NCDN: variants seen among roughly 807,000 people sequenced by gnomAD.
NCDN encodes the protein neurochondrin.
In NCDN, 9 loss-of-function variants were observed where a neutral mutation model predicts 60.7. The observed-to-expected ratio is 0.15, with a 90% CI of 0.09 to 0.26. The LOEUF is 0.26. Among genes scored for constraint, NCDN ranks in the 10% least tolerant of loss-of-function variants. The probability of loss-of-function intolerance (pLI) is 1.00; values close to 1 mark genes in which losing one functional copy is unlikely to be tolerated. For synonymous variants in NCDN, 409 were observed against 442.5 expected (o/e 0.92, Z 0.95); for missense variants, 578 against 975.2 (o/e 0.59, Z 5.42).
At position 35,565,132 on chromosome 1, in the gene NCDN, G is replaced by A. The variant is rs541549306; in HGVS notation, c.1754-95G>A. On this transcript the variant is annotated intron_variant, in intron 6 of 6. Transcript: ENST00000373243. The surrounding 1 kb of genome is among the most constrained non-coding windows in gnomAD (Gnocchi z 8.9). Reference sequence around the variant, plus strand: ...GCAGTCTGATTCCAGGCTGTGCCCTGGCTCCTGCATGTGTCTACACAGAGG... The same window carrying A: ...GCAGTCTGATTCCAGGCTGTGCCCTAGCTCCTGCATGTGTCTACACAGAGG... 54 of 1,259,334 alleles carry A rather than the reference G, an allele frequency of 4.3e-5. No individual in the cohort carries two copies. The highest frequency in any genetic ancestry group is 5.8e-5 in the Non-Finnish European group (53 of 906,668). 78.0% of individuals were successfully genotyped at this position (1,259,334 alleles called of 1,614,324 possible).
rs1383998572 is a variant in NCDN, at chr1:35,558,141, C to T, written c.-50C>T. ...TGACGTGATCTCTCCGTGACATCAC[C>T]GCGCCATCGTGAAGTGTGATCTCAT... On this transcript the variant is annotated 5_prime_UTR_variant, in exon 1 of 7. Transcript: ENST00000373243. This position sits in a 1 kb window ranked among gnomAD's most constrained non-coding sequence, Gnocchi z 6.3. 1 of 1,611,822 alleles carries T rather than the reference C, an allele frequency of 6.2e-7. No homozygotes were observed. The highest frequency in any genetic ancestry group is 1.3e-5 in the African/African-American group (1 of 74,940).
chr1:35,559,289 T>A (rs372028751), intron 2 of NCDN, 42 bp downstream of exon 2: 4 of 1,612,504 alleles, frequency 2.5e-6, no homozygotes, highest in Non-Finnish European at 3.4e-6. Context: ...AAGGGCTGGG[T>A]GGTTGGGCCC....
Position 35,561,106 on chromosome 1 carries a change from C to T in NCDN, c.955C>T (p.Arg319Trp). 6.2e-7 allele frequency: 1 copy of T among 1,613,574 alleles called. No individual in the cohort carries two copies. Among genetic ancestry groups the T allele is most frequent in the Non-Finnish European group, 8.5e-7 (1 of 1,179,818 alleles). ...GGTGAATCTGGCGTGCGTGGAAGTGCGGCTGGCACTGGAGGAGACGGGCAC... is the reference window on the plus strand; with the variant it reads ...GGTGAATCTGGCGTGCGTGGAAGTGTGGCTGGCACTGGAGGAGACGGGCAC... ...LLVNLACVEV[R>W]LALEETGTEV... Residue 319 changes from arginine (R) to tryptophan (W), a missense_variant, in exon 3 of 7, where the codon CGG becomes TGG. This residue lies in a region of NCDN where 363 missense variants were observed against 583.6 expected (regional missense o/e 0.62). Coordinates refer to ENST00000373243, the MANE Select transcript of NCDN (RefSeq NM_014284.3). The surrounding 1 kb of genome is among the most constrained non-coding windows in gnomAD (Gnocchi z 4.9).
At position 35,560,675 on chromosome 1, in the gene NCDN, G is replaced by C; in HGVS notation, c.524G>C (p.Gly175Ala). The C allele has an allele frequency of 6.2e-7, 1 of 1,613,174 alleles. No individual in the cohort carries two copies. The highest frequency in any genetic ancestry group is 1.1e-5 in the South Asian group (1 of 91,090). Reference protein sequence around the residue: ...TPRGPRHLIAGGTVSALCQAY... With the variant: ...TPRGPRHLIAAGTVSALCQAY... ...AGAGGGCCTCGGCACCTCATTGCTG[G>C]TGGCACCGTGTCTGCCCTATGCCAG... is the stretch of plus-strand genomic sequence containing the variant. The change falls in exon 3 of 7, where the codon GGT (glycine) becomes GCT (alanine). Residue 175 changes from glycine to alanine, a missense_variant. Gly to Ala is a moderately conservative substitution (Grantham distance 60). This residue lies in a region of NCDN where 363 missense variants were observed against 583.6 expected (regional missense o/e 0.62). Transcript: ENST00000373243. The surrounding 1 kb of genome is among the most constrained non-coding windows in gnomAD (Gnocchi z 7.6).
rs1648753774 is a variant in NCDN at position 35,563,004 on chromosome 1, A to G, written c.1386-198A>G. Among the ~76,000 whole-genome samples the G allele has an allele frequency of 6.6e-6, 1 of 152,232 alleles. No individual in the cohort carries two copies. Among genetic ancestry groups the G allele is most frequent in the South Asian group, 2.1e-4 (1 of 4,830 alleles). On this transcript the variant is annotated intron_variant, in intron 4 of 6. Transcript: ENST00000373243. This position sits in a 1 kb window ranked among gnomAD's most constrained non-coding sequence, Gnocchi z 6.6. ...TCATAGAGATTAAAGTCACTTGCCC[A>G]CAGTCACACTTTGTGGCAGAGCCCA...
At position 35,558,564 on chromosome 1, in the gene NCDN, G is replaced by T. The variant is rs1648511714; in HGVS notation, c.33+341G>T. ...AAGGGGCCTCCAAGCCTTCCCTGTT[G>T]AGCGTCTTGTATTCTCACTTCTGAA... On this transcript the variant is annotated intron_variant, in intron 1 of 6. Coordinates refer to ENST00000373243, the MANE Select transcript of NCDN (RefSeq NM_014284.3). The surrounding 1 kb of genome is among the most constrained non-coding windows in gnomAD (Gnocchi z 6.3). The T allele has an allele frequency of 2.3e-6, 3 of 1,292,028 alleles. No homozygotes were observed. The highest frequency in any genetic ancestry group is 3.0e-5 in the African/African-American group (2 of 66,500). 80.0% of individuals were successfully genotyped at this position (1,292,028 alleles called of 1,614,324 possible). A position where few individuals can be genotyped will look rare whatever the true frequency, so the allele number is the denominator to read the frequency against.
chr1:35,558,432 C>T lies in NCDN; in HGVS notation c.33+209C>T. The T allele has an allele frequency of 7.0e-7, 1 of 1,436,178 alleles. No individual in the cohort carries two copies. The highest frequency in any genetic ancestry group is 1.4e-5 in the African/African-American group (1 of 69,466). The allele number at this position is 1,436,178 out of a possible 1,614,324, so 89.0% of individuals were successfully genotyped here. On this transcript the variant is annotated intron_variant, in intron 1 of 6. Coordinates refer to ENST00000373243, the MANE Select transcript of NCDN (RefSeq NM_014284.3). The surrounding 1 kb of genome is among the most constrained non-coding windows in gnomAD (Gnocchi z 6.3). ...AAGGGGTTAATTCTGCTGCTGCCGC[C>T]GCCGCTGCTGCTGCTGCTGCAGCCT... is the stretch of plus-strand genomic sequence containing the variant.
At position 35,558,649 on chromosome 1, in the gene NCDN, A is replaced by G; in HGVS notation, c.33+426A>G. The G allele has an allele frequency of 2.6e-6, 3 of 1,142,818 alleles. No homozygotes were observed. Among genetic ancestry groups the G allele is most frequent in the Non-Finnish European group, 3.2e-6 (3 of 926,342 alleles). 70.8% of individuals were successfully genotyped at this position (1,142,818 alleles called of 1,614,324 possible). On this transcript the variant is annotated intron_variant, in intron 1 of 6. Transcript: ENST00000373243. This position sits in a 1 kb window ranked among gnomAD's most constrained non-coding sequence, Gnocchi z 6.3. ...GAAGCCTGGGGTGTCCTTTTCTCCC[A>G]TGTCAGCCTGAGTCCGGATAATCGA...
rs925713103 is a variant in NCDN, at chr1:35,566,234, G to T, written c.*571G>T. 1.2e-5 allele frequency: 2 copies of T among 165,972 alleles called. No individual in the cohort carries two copies. Among genetic ancestry groups the T allele is most frequent in the Admixed American group, 1.2e-4 (2 of 17,222 alleles). 10.3% of individuals were successfully genotyped at this position (165,972 alleles called of 1,614,324 possible). On this transcript the variant is annotated 3_prime_UTR_variant, in exon 7 of 7. Transcript: ENST00000373243. This position sits in a 1 kb window ranked among gnomAD's most constrained non-coding sequence, Gnocchi z 5.3. ...GGGTCTGAACTGCCTCCATCCTAGGGCAACCTGGGGCAGACAGGCCTGGTG... is the reference window on the plus strand; with the variant it reads ...GGGTCTGAACTGCCTCCATCCTAGGTCAACCTGGGGCAGACAGGCCTGGTG...
Position 35,563,684 on chromosome 1 carries a change from T to G in NCDN, c.1611-83T>G. 6.5e-7 allele frequency: 1 copy of G among 1,529,832 alleles called. No homozygotes were observed. The highest frequency in any genetic ancestry group is 8.9e-7 in the Non-Finnish European group (1 of 1,121,726). 94.8% of individuals were successfully genotyped at this position (1,529,832 alleles called of 1,614,324 possible). On this transcript the variant is annotated intron_variant, in intron 5 of 6. Coordinates refer to ENST00000373243, the MANE Select transcript of NCDN (RefSeq NM_014284.3). This position sits in a 1 kb window ranked among gnomAD's most constrained non-coding sequence, Gnocchi z 6.6. ...GTTTGGGGCCCAAAGTTAATCACCC[T>G]ACTGCCTAATTTCTTGCCAAGGGCT...
rs1330964058 is a variant in NCDN, at chr1:35,561,318, G to A, written c.1143+24G>A. On this transcript the variant is annotated intron_variant, in intron 3 of 6. Transcript: ENST00000373243. The surrounding 1 kb of genome is among the most constrained non-coding windows in gnomAD (Gnocchi z 4.9). ...AGGTGAGGGTGCAGTGACCCACAGAGGGGGCCCAGTATGGGGGGAGCCAGT... is the reference window on the plus strand; with the variant it reads ...AGGTGAGGGTGCAGTGACCCACAGAAGGGGCCCAGTATGGGGGGAGCCAGT... 2 of 1,555,848 alleles carry A rather than the reference G, an allele frequency of 1.3e-6. No homozygotes were observed. Among genetic ancestry groups the A allele is most frequent in the Non-Finnish European group, 1.7e-6 (2 of 1,155,684 alleles).
At position 35,562,937 on chromosome 1, in the gene NCDN, A is replaced by G. The variant is rs1648751242; in HGVS notation, c.1386-265A>G. Reference sequence around the variant, plus strand: ...TCATTTGGTCCACGTGGTAAATATAACAGAAGTCTCATTCACATATGAAAG... The same window carrying G: ...TCATTTGGTCCACGTGGTAAATATAGCAGAAGTCTCATTCACATATGAAAG... On this transcript the variant is annotated intron_variant, in intron 4 of 6. Coordinates refer to ENST00000373243, the MANE Select transcript of NCDN (RefSeq NM_014284.3). This position sits in a 1 kb window ranked among gnomAD's most constrained non-coding sequence, Gnocchi z 6.8. Among the ~76,000 whole-genome samples the G allele has an allele frequency of 6.6e-6, 1 of 152,174 alleles. No homozygotes were observed. The highest frequency in any genetic ancestry group is 1.5e-5 in the Non-Finnish European group (1 of 68,028).
In NCDN at chr1:35,563,023, G is replaced by T. The variant is rs1205119867; in HGVS notation, c.1386-179G>T. ...TTGCCCACAGTCACACTTTGTGGCA[G>T]AGCCCAAGTTTGGTCCTGGGTTGTG... On this transcript the variant is annotated intron_variant, in intron 4 of 6. Coordinates refer to ENST00000373243, the MANE Select transcript of NCDN (RefSeq NM_014284.3). This position sits in a 1 kb window ranked among gnomAD's most constrained non-coding sequence, Gnocchi z 6.6. Among the ~76,000 whole-genome samples the T allele has an allele frequency of 6.6e-6, 1 of 152,220 alleles. No homozygotes were observed. Among genetic ancestry groups the T allele is most frequent in the Non-Finnish European group, 1.5e-5 (1 of 68,044 alleles).
chr1:35,557,832 C>G lies in NCDN; in HGVS notation c.-359C>G. 1 of 548,786 alleles carries G rather than the reference C, an allele frequency of 1.8e-6. No homozygotes were observed. The highest frequency in any genetic ancestry group is 1.5e-5 in the South Asian group (1 of 65,288). The allele number at this position is 548,786 out of a possible 1,614,324, so 34.0% of individuals were successfully genotyped here. On this transcript the variant is annotated 5_prime_UTR_variant, in exon 1 of 7. Transcript: ENST00000373243. ...ACGCGGCGTGAGCAGCGGCCCGAGG[C>G]TCCCGGAGCATCGCGCTGGGAGAAG... is the stretch of plus-strand genomic sequence containing the variant.
In NCDN at chr1:35,565,290, C is replaced by T; in HGVS notation, c.1817C>T (p.Ser606Phe). The T allele has an allele frequency of 2.5e-6, 4 of 1,614,088 alleles. No individual in the cohort carries two copies. The highest frequency in any genetic ancestry group is 3.4e-6 in the Non-Finnish European group (4 of 1,179,912). The change falls in exon 7 of 7, where the codon TCC (serine) becomes TTC (phenylalanine). Residue 606 changes from serine to phenylalanine, a missense_variant. Around this residue, in one of 3 missense-constraint regions of NCDN, gnomAD observed 191 missense variants for 372.1 expected, o/e 0.51. Transcript: ENST00000373243. This position sits in a 1 kb window ranked among gnomAD's most constrained non-coding sequence, Gnocchi z 8.9. ...FAAAILFLSQSHVARATPGSD... is the reference protein window; with the variant it reads ...FAAAILFLSQFHVARATPGSD... ...GCTGCCATCCTCTTCCTATCACAGT[C>T]CCACGTGGCGCGGGCCACCCCGGGC...
chr1:35,561,044 C>T lies in NCDN; in HGVS notation c.893C>T (p.Pro298Leu), dbSNP rs773171405. ...CACGCCTGCGGCTCCGACTGGATCC[C>T]GGCGGGCAGCTCCGGGAGCAAGTTC... Reference protein sequence around the residue: ...LAHACGSDWIPAGSSGSKFLA... With the variant: ...LAHACGSDWILAGSSGSKFLA... The change falls in exon 3 of 7, where the codon CCG becomes CTG. Residue 298 changes from proline (P) to leucine (L), a missense_variant. Around this residue, in one of 3 missense-constraint regions of NCDN, gnomAD observed 363 missense variants for 583.6 expected, o/e 0.62. Transcript: ENST00000373243. This position sits in a 1 kb window ranked among gnomAD's most constrained non-coding sequence, Gnocchi z 4.9. The T allele has an allele frequency of 9.9e-6, 16 of 1,612,880 alleles. No individual in the cohort carries two copies. The highest frequency in any genetic ancestry group is 1.4e-5 in the Non-Finnish European group (16 of 1,179,280).
In NCDN at chr1:35,563,272, G is replaced by A; in HGVS notation, c.1456G>A (p.Ala486Thr). 7 of 1,614,196 alleles carry A rather than the reference G, an allele frequency of 4.3e-6. No homozygotes were observed. Among genetic ancestry groups the A allele is most frequent in the Non-Finnish European group, 5.9e-6 (7 of 1,180,038 alleles). Residue 486 changes from alanine to threonine, a missense_variant, in exon 5 of 7, where the codon GCC becomes ACC. By Grantham distance (58) the Ala-to-Thr change is moderately conservative. Coordinates refer to ENST00000373243, the MANE Select transcript of NCDN (RefSeq NM_014284.3). The surrounding 1 kb of genome is among the most constrained non-coding windows in gnomAD (Gnocchi z 6.6). ...CCGGGAGATCCTGATCAAGGAAGGGGCCCCCTCGCTTCTGTGCAAGTATTT... is the reference window on the plus strand; with the variant it reads ...CCGGGAGATCCTGATCAAGGAAGGGACCCCCTCGCTTCTGTGCAAGTATTT... The part of the protein sequence containing the change: ...GPREILIKEG[A>T]PSLLCKYFLQ...
intron 2 of NCDN, among the ~76,000 whole-genome samples, chr1:35,559,734 A>C: frequency 8.2e-6 from 1 of 122,224 alleles, no homozygotes; most frequent in African/African-American, 3.1e-5. Context: ...CTGCAGTGCT[A>C]GGAAGGGGGG....
At chr1:35,559,365 A>G (rs1648612044) in intron 2 of NCDN, 118 bp downstream of exon 2, 5 of 1,336,920 alleles carry the variant, frequency 3.7e-6, no homozygotes, top group South Asian at 1.3e-5. Flanking sequence ...GGAGGCACCA[A>G]CGAAGGCCCA....
Sources: allele counts gnomAD v4.1 joint callset (sites outside exome capture counted in the v4.1 genomes callset), GRCh38; gene constraint gnomAD v4.1.1; regional missense constraint gnomAD v4.1.1; non-coding constraint Gnocchi (gnomAD v3.1); transcripts MANE v1.5; gene names NCBI Gene and HGNC (gene_info 2026-07-23, HGNC 2026-07-21).